The following DENND5A variants were observed in gnomAD, a reference collection of about 807,000 sequenced individuals.
The protein encoded by DENND5A is DENN domain-containing protein 5A.
A neutral mutation model predicts 140.3 loss-of-function variants in DENND5A; 64 were observed. The ratio of observed to expected loss-of-function variants is 0.46; its 90% confidence interval spans 0.37 to 0.56. The LOEUF (loss-of-function observed/expected upper bound fraction) is 0.56. Among genes scored for constraint, DENND5A ranks in the 20% least tolerant of loss-of-function variants. The pLI, the probability that DENND5A is intolerant of heterozygous loss-of-function variation, is 0.00. For synonymous variants in DENND5A, 605 were observed against 607.7 expected (o/e 1.00, Z 0.07); for missense variants, 1,292 against 1,593.8 (o/e 0.81, Z 3.22).
intron 12 of DENND5A, among the ~76,000 whole-genome samples, chr11:9,154,273 A>T (rs765761749): frequency 2.6e-5 from 4 of 152,178 alleles, no homozygotes; most frequent in Non-Finnish European, 5.9e-5. Context: ...GGTTAAGTTA[A>T]CTTGTAAGAG....
At chr11:9,193,022 C>T (rs999477336) in intron 5 of DENND5A, among the ~76,000 whole-genome samples, 1 of 152,092 alleles carries the variant, frequency 6.6e-6, no homozygotes, top group African/African-American at 2.4e-5. Context: ...CCCAGGAGTT[C>T]GAGACCAGCC....
intron 1 of DENND5A, among the ~76,000 whole-genome samples, chr11:9,216,448 TAAC>T (rs1317718639): frequency 2.6e-5 from 4 of 152,324 alleles, no homozygotes; most frequent in East Asian, 3.9e-4. Context: ...AAGGTAATAG[TAAC>T]AACATTTTAG....
intron 1 of DENND5A, among the ~76,000 whole-genome samples, chr11:9,220,832 GC>G (rs1850282038): frequency 6.6e-6 from 1 of 152,020 alleles, no homozygotes; most frequent in African/African-American, 2.4e-5. Context: ...GGCAGAGGTT[GC>G]AGTAAGCTGA....
At chr11:9,227,533 C>T (rs183905790) in intron 1 of DENND5A, among the ~76,000 whole-genome samples, 16 of 152,284 alleles carry the variant, frequency 1.1e-4, no homozygotes, top group African/African-American at 3.6e-4. Context: ...GAAGGTAGTG[C>T]AGTATATTCT....
intron 1 of DENND5A, among the ~76,000 whole-genome samples, chr11:9,211,943 A>C (rs1439918311): frequency 1.3e-5 from 2 of 151,714 alleles, no homozygotes; most frequent in Admixed American, 6.6e-5. Flanking sequence ...AAAAAAAAAA[A>C]AAAAAACAGA....
At chr11:9,206,883 AG>A (rs1287342528) in intron 2 of DENND5A, 101 bp from the exon 3 acceptor site, 1 of 821,676 alleles carries the variant, frequency 1.2e-6, no homozygotes, top group Non-Finnish European at 2.0e-6. Flanking sequence ...ACAGAAATGA[AG>A]GCAAGGGGGT....
Position 9,139,839 on chromosome 11 carries a change from G to A in DENND5A, c.3696C>T (p.His1232=). 1.9e-6 allele frequency: 3 copies of A among 1,614,036 alleles called. No individual in the cohort carries two copies. The highest frequency in any genetic ancestry group is 2.2e-5 in the South Asian group (2 of 91,082). The part of the protein sequence containing the change: ...VCLGARDHLL[H]HWIALLADCP... ...AGTCAGCCAGCAGGGCAATCCAGTGGTGTAGGAGGTGATCTCTGGCAGAGC... is the reference window on the plus strand; with the variant it reads ...AGTCAGCCAGCAGGGCAATCCAGTGATGTAGGAGGTGATCTCTGGCAGAGC... Residue 1232 remains histidine (H), a synonymous_variant, in exon 23 of 23, where the codon CAC becomes CAT. Transcript: ENST00000328194.
intron 9 of DENND5A, 139 bp from the exon 10 acceptor site, chr11:9,170,088 G>C: frequency 1.2e-6 from 1 of 815,198 alleles, no homozygotes; most frequent in Non-Finnish European, 2.0e-6. Context: ...AGACAGCTCA[G>C]AGACCTTGAG....
intron 1 of DENND5A, among the ~76,000 whole-genome samples, chr11:9,261,280 C>A (rs1852186287): frequency 1.3e-5 from 2 of 152,160 alleles, no homozygotes; most frequent in African/African-American, 4.8e-5. Context: ...GCTACCTGAG[C>A]TATGTAAGTT....
At chr11:9,235,671 AG>A (rs1850970827) in intron 1 of DENND5A, among the ~76,000 whole-genome samples, 2 of 151,644 alleles carry the variant, frequency 1.3e-5, no homozygotes, top group Non-Finnish European at 2.9e-5. Context: ...AAAAAAAAAA[AG>A]AAAAAAAATC....
chr11:9,191,117 G>A (rs1319493140), intron 5 of DENND5A, among the ~76,000 whole-genome samples: 1 of 152,120 alleles, frequency 6.6e-6, no homozygotes, highest in Non-Finnish European at 1.5e-5. Context: ...CTACAGGGGA[G>A]CCAGAAGCTC....
chr11:9,186,808 C>T (rs576622850), intron 5 of DENND5A, among the ~76,000 whole-genome samples: 16 of 152,290 alleles, frequency 1.1e-4, no homozygotes, highest in African/African-American at 2.9e-4. Flanking sequence ...GAGCCGGGTG[C>T]GGTGGCTCAC....
chr11:9,244,677 T>G (rs561792916), intron 1 of DENND5A, among the ~76,000 whole-genome samples: 1 of 151,278 alleles, frequency 6.6e-6, no homozygotes, highest in Non-Finnish European at 1.5e-5. Context: ...CCTATTTTAT[T>G]TATTTATTTA....
chr11:9,210,497 G>GT (rs1849840351), intron 1 of DENND5A, among the ~76,000 whole-genome samples: 1 of 152,102 alleles, frequency 6.6e-6, no homozygotes, highest in Admixed American at 6.6e-5. Flanking sequence ...CTTCTAATAG[G>GT]TTTTTTATCT....
intron 1 of DENND5A, among the ~76,000 whole-genome samples, chr11:9,219,490 T>A (rs916060141): frequency 6.6e-6 from 1 of 151,988 alleles, no homozygotes; most frequent in African/African-American, 2.4e-5. Context: ...ATTTCAAACA[T>A]GTAATCTCAA....
At chr11:9,247,103 G>A (rs1339159547) in intron 1 of DENND5A, among the ~76,000 whole-genome samples, 8 of 151,904 alleles carry the variant, frequency 5.3e-5, no homozygotes, top group African/African-American at 1.2e-4. Context: ...GGTGGCAGGC[G>A]CCTGTAGTCC....
At position 9,190,596 on chromosome 11, in the gene DENND5A, T is replaced by C. The variant is rs113963919; in HGVS notation, c.1137+2898A>G. ...CCAGCCACATGGAACTCTAAGTCCA[T>C]TAAACCTCTTTCTTTTGTAAACTGC... On this transcript the variant is annotated intron_variant, in intron 5 of 22. Transcript: ENST00000328194. Among the ~76,000 whole-genome samples the C allele has an allele frequency of 2.3e-3, 355 of 152,298 alleles. 2 individuals carry two copies. The highest frequency in any genetic ancestry group is 8.1e-3 in the African/African-American group (338 of 41,560).
intron 10 of DENND5A, 56 bp from the exon 11 acceptor site, chr11:9,166,023 C>A: frequency 6.4e-7 from 1 of 1,562,282 alleles, no homozygotes; most frequent in South Asian, 1.1e-5. Flanking sequence ...AACCAAAGGT[C>A]AGCAGTACTG....
intron 11 of DENND5A, 97 bp from the exon 12 acceptor site, chr11:9,160,962 G>T: frequency 1.6e-6 from 2 of 1,239,116 alleles, no homozygotes; most frequent in Non-Finnish European, 2.3e-6. Flanking sequence ...CATCTGTTGG[G>T]CTGGGAAGGA....
Sources: allele counts gnomAD v4.1 joint callset (sites outside exome capture counted in the v4.1 genomes callset), GRCh38; gene constraint gnomAD v4.1.1; transcripts MANE v1.5; gene names NCBI Gene and HGNC (gene_info 2026-07-23, HGNC 2026-07-21).